PCYT1B: variants seen among roughly 807,000 people sequenced by gnomAD.
The protein encoded by PCYT1B is choline-phosphate cytidylyltransferase B.
PCYT1B carries 10 observed loss-of-function variants against 26.4 expected under a neutral mutation model. The observed-to-expected ratio is 0.38, with a 90% CI of 0.23 to 0.64. PCYT1B has a LOEUF of 0.64. Among genes scored for constraint, PCYT1B ranks in the 30% least tolerant of loss-of-function variants. The probability of loss-of-function intolerance (pLI) is 0.56; values close to 1 mark genes in which losing one functional copy is unlikely to be tolerated. For synonymous variants in PCYT1B, 131 were observed against 108.4 expected, an observed-to-expected ratio of 1.21 and a Z score of -1.29; for missense variants, 161 against 292.7, an observed-to-expected ratio of 0.55 and a Z score of 3.28.
chrX:24,650,926 T>G (rs1407058588), upstream of PCYT1B, among the ~76,000 whole-genome samples: 1 of 111,991 alleles, frequency 8.9e-6, no homozygotes, highest in Non-Finnish European at 1.9e-5. Flanking sequence ...TATTGTACAC[T>G]CACTAAGAGT....
rs781612261 is a variant in PCYT1B, at chrX:24,562,341, G to A, written c.1062C>T (p.Ala354=). ...CGCTCATGCTGCTGATAGAGGCTGA[G>A]GCTGCTTTGGGTGAGGAAGGGGGTG... The part of the protein sequence containing the change: ...KTSPPSSPKA[A]SASISSMSEG... The change falls in exon 8 of 8, where the codon GCC becomes GCT. Residue 354 remains alanine, a synonymous_variant. Coordinates refer to ENST00000379144, the MANE Select transcript of PCYT1B (RefSeq NM_004845.5). 2.6e-6 allele frequency: 3 copies of A among 1,169,269 alleles called. No individual in the cohort carries two copies. Among genetic ancestry groups the A allele is most frequent in the Non-Finnish European group, 3.4e-6 (3 of 875,469 alleles).
chrX:24,617,454 T>TA (rs199886048), intron 2 of PCYT1B, among the ~76,000 whole-genome samples: 59 of 99,738 alleles, frequency 5.9e-4, no homozygotes, highest in African/African-American at 1.8e-3. Flanking sequence ...TTATTATTAT[T>TA]TTTTTTTTTT....
chrX:24,635,546 G>A (rs1926244687), intron 1 of PCYT1B, among the ~76,000 whole-genome samples: 1 of 111,965 alleles, frequency 8.9e-6, no homozygotes, highest in African/African-American at 3.2e-5. Context: ...ATGTTCCAAA[G>A]ATGATATTTT....
At chrX:24,601,349 C>T (rs1372213334) in intron 3 of PCYT1B, among the ~76,000 whole-genome samples, 1 of 110,917 alleles carries the variant, frequency 9.0e-6, no homozygotes, top group Non-Finnish European at 1.9e-5. Flanking sequence ...AACAATTAGC[C>T]AGGTGTGATG....
At chrX:24,658,256 C>G (rs1226722419) in intron 1 of PCYT1B, 7 of 112,270 alleles carry the variant, frequency 6.2e-5, no homozygotes. Context: ...GATTCTTTGT[C>G]TTGCAAAATC....
intron 3 of PCYT1B, among the ~76,000 whole-genome samples, chrX:24,601,568 C>G (rs1924966498): frequency 9.3e-6 from 1 of 108,105 alleles, no homozygotes; most frequent in African/African-American, 3.4e-5. Context: ...GACCGCTACC[C>G]AAAATATACA....
At chrX:24,573,417 C>T (rs909628423) in intron 7 of PCYT1B, among the ~76,000 whole-genome samples, 11 of 111,113 alleles carry the variant, frequency 9.9e-5, no homozygotes, top group African/African-American at 2.9e-4. Context: ...CCATCCACTT[C>T]GGCCTCCCAA....
In PCYT1B at chrX:24,560,159, C is replaced by T. The variant is rs1433757241; in HGVS notation, c.*2134G>A. On this transcript the variant is annotated 3_prime_UTR_variant, in exon 8 of 8. Transcript: ENST00000379144. ...TCTGCCCTGGGCCATGGAGCAGGGG[C>T]ACAAAGGCCTTCCCAAGAGAGTCTC... 1 of 111,934 alleles carries T rather than the reference C, an allele frequency of 8.9e-6. No individual in the cohort carries two copies. The highest frequency in any genetic ancestry group is 1.9e-5 in the Non-Finnish European group (1 of 53,178). 9.2% of individuals were successfully genotyped at this position (111,934 alleles called of 1,213,427 possible).
chrX:24,670,574 A>C (rs890047712), intron 1 of PCYT1B, among the ~76,000 whole-genome samples: 2 of 112,162 alleles, frequency 1.8e-5, no homozygotes, highest in Non-Finnish European at 3.8e-5. Context: ...AAAAATGTTA[A>C]TAAAATCATT....
intron 1 of PCYT1B, among the ~76,000 whole-genome samples, chrX:24,634,332 T>C (rs1311989668): frequency 8.9e-6 from 1 of 112,425 alleles, no homozygotes; most frequent in African/African-American, 3.2e-5. Flanking sequence ...CTGACATTTT[T>C]TCATTTGCTT....
At chrX:24,670,071 A>AGAAT (rs1246436612) in intron 1 of PCYT1B, among the ~76,000 whole-genome samples, 10 of 75,034 alleles carry the variant, frequency 1.3e-4, no homozygotes, top group Middle Eastern at 6.1e-3. Context: ...AAAGAAAGAA[A>AGAAT]GAAAGAAAGA....
chrX:24,584,871 A>G (rs1253465562), intron 5 of PCYT1B, among the ~76,000 whole-genome samples: 1 of 111,283 alleles, frequency 9.0e-6, no homozygotes, highest in Non-Finnish European at 1.9e-5. Context: ...TCATTTAAAA[A>G]GAAGAGTTAA....
At chrX:24,590,753 A>G (rs1373288978) in intron 3 of PCYT1B, among the ~76,000 whole-genome samples, 3 of 108,830 alleles carry the variant, frequency 2.8e-5, no homozygotes, top group Admixed American at 9.9e-5. Context: ...ATAAAATCAA[A>G]GGTTTGATCT....
intron 7 of PCYT1B, 121 bp from the exon 8 acceptor site, chrX:24,562,626 C>T (rs1316313185): frequency 3.6e-6 from 2 of 552,073 alleles, no homozygotes; most frequent in African/African-American, 4.6e-5. Flanking sequence ...CAAACCTACA[C>T]TCATACCACA....
At chrX:24,617,519 C>T (rs1308640009) in intron 2 of PCYT1B, among the ~76,000 whole-genome samples, 19 of 103,330 alleles carry the variant, frequency 1.8e-4, no homozygotes, top group African/African-American at 6.8e-4. Flanking sequence ...GTGATCTCGG[C>T]TCACTGCAAC....
chrX:24,562,052 C>T lies in PCYT1B; in HGVS notation c.*241G>A. The T allele has an allele frequency of 8.4e-7, 1 of 1,190,302 alleles. No homozygotes were observed. The highest frequency in any genetic ancestry group is 1.1e-6 in the Non-Finnish European group (1 of 876,358). On this transcript the variant is annotated 3_prime_UTR_variant, in exon 8 of 8. Transcript: ENST00000379144. ...TCCTTCCTTAGCAAGGTTAGAGTGA[C>T]TCTAGACGCTAAGGTTTGTGTAGGT... is the stretch of plus-strand genomic sequence containing the variant.
At chrX:24,596,308 TG>T (rs1228281523) in intron 3 of PCYT1B, among the ~76,000 whole-genome samples, 7 of 111,688 alleles carry the variant, frequency 6.3e-5, no homozygotes. Flanking sequence ...GTGCAGGTAT[TG>T]GGCCAGGTGC....
chrX:24,653,755 CT>C (rs761800393), intron 1 of PCYT1B, among the ~76,000 whole-genome samples: 177 of 100,425 alleles, frequency 1.8e-3, no homozygotes, highest in Admixed American at 2.0e-3. Context: ...CCATAAAATT[CT>C]TTTTTTTTTT....
intron 3 of PCYT1B, among the ~76,000 whole-genome samples, chrX:24,605,882 C>T (rs1483831435): frequency 9.2e-6 from 1 of 108,462 alleles, no homozygotes; most frequent in Non-Finnish European, 1.9e-5. Context: ...GGTGAAACCC[C>T]GTCTCTACTA....
Sources: gnomAD v4.1 joint callset for allele counts (sites outside exome capture counted in the v4.1 genomes callset) on GRCh38, gnomAD v4.1.1 for gene constraint, MANE v1.5 for transcripts, NCBI Gene and HGNC (gene_info 2026-07-23, HGNC 2026-07-21) for gene names.